The following GRM8 variants were observed in gnomAD, a reference collection of about 807,000 sequenced individuals.
The protein encoded by GRM8 is metabotropic glutamate receptor 8.
Under a neutral mutation model 87.2 loss-of-function variants are expected in GRM8, and 47 were observed. That is an observed-to-expected ratio of 0.54 (90% CI 0.43 to 0.69). GRM8 has a LOEUF of 0.69. Among genes scored for constraint, GRM8 ranks in the 30% least tolerant of loss-of-function variants. The pLI, the probability that GRM8 is intolerant of heterozygous loss-of-function variation, is 0.00. For missense variants in GRM8, 1,019 were observed against 1,139.2 expected, an observed-to-expected ratio of 0.89 and a Z score of 1.52; for synonymous variants, 396 against 404.5, an observed-to-expected ratio of 0.98 and a Z score of 0.25.
intron 3 of GRM8, among the ~76,000 whole-genome samples, chr7:126,941,738 C>T (rs1048668464): frequency 2.0e-5 from 3 of 151,992 alleles, no homozygotes; most frequent in African/African-American, 7.3e-5. Flanking sequence ...TCAAATGCAA[C>T]CGTGGTTGCA....
intron 3 of GRM8, among the ~76,000 whole-genome samples, chr7:127,044,420 A>G (rs1347384510): frequency 6.6e-6 from 1 of 152,148 alleles, no homozygotes; most frequent in African/African-American, 2.4e-5. Context: ...ACTTTTCCAC[A>G]TGGGACATGA....
At chr7:127,025,133 C>CT (rs1174159653) in intron 3 of GRM8, among the ~76,000 whole-genome samples, 1 of 152,040 alleles carries the variant, frequency 6.6e-6, no homozygotes, top group Non-Finnish European at 1.5e-5. Context: ...AGCAGTCCCA[C>CT]TTTGACATTT....
chr7:126,472,356 C>A (rs966624247), intron 9 of GRM8, among the ~76,000 whole-genome samples: 1 of 152,096 alleles, frequency 6.6e-6, no homozygotes, highest in East Asian at 1.9e-4. Context: ...TTTGAAATAC[C>A]TCCCATCAAT....
At chr7:126,693,202 T>C (rs931990863) in intron 7 of GRM8, among the ~76,000 whole-genome samples, 2 of 152,198 alleles carry the variant, frequency 1.3e-5, no homozygotes, top group African/African-American at 2.4e-5. Context: ...ACTAATTTGC[T>C]TGAGGTTAGT....
intron 6 of GRM8, among the ~76,000 whole-genome samples, chr7:126,850,849 G>A (rs557879549): frequency 1.3e-5 from 2 of 152,258 alleles, no homozygotes; most frequent in East Asian, 3.9e-4. Flanking sequence ...TGGGCAACAG[G>A]GGAACACCAG....
intron 6 of GRM8, among the ~76,000 whole-genome samples, chr7:126,788,420 A>AACAAAAAAAAAAACAAAAAAAAAAAAAC (rs1554492201): frequency 0.013 from 1,085 of 81,120 alleles, 107 homozygotes; most frequent in African/African-American, 0.048. Flanking sequence ...AAAAAAAAAA[A>AACAAAAAAAAAAACAAAAAAAAAAAAAC]AAACCCTTTC....
chr7:126,536,456 C>A (rs998127605), intron 8 of GRM8, among the ~76,000 whole-genome samples: 4 of 152,146 alleles, frequency 2.6e-5, no homozygotes, highest in Non-Finnish European at 4.4e-5. Context: ...CTTCATCTGT[C>A]ATATGTCATC....
intron 2 of GRM8, among the ~76,000 whole-genome samples, chr7:127,158,066 G>A (rs1237100787): frequency 6.6e-6 from 1 of 152,140 alleles, no homozygotes; most frequent in Non-Finnish European, 1.5e-5. Flanking sequence ...GGTGGAGGCT[G>A]AAAGTCAGAC....
At chr7:126,999,246 G>T (rs1006183224) in intron 3 of GRM8, among the ~76,000 whole-genome samples, 20 of 151,652 alleles carry the variant, frequency 1.3e-4, no homozygotes, top group African/African-American at 4.8e-4. Flanking sequence ...AAATCAAAAG[G>T]GATTAAAAAC....
At chr7:127,145,335 C>A (rs368449400) in intron 2 of GRM8, among the ~76,000 whole-genome samples, 1 of 152,078 alleles carries the variant, frequency 6.6e-6, no homozygotes, top group East Asian at 1.9e-4. Context: ...GAACCACATT[C>A]TCTTTATTAT....
At chr7:127,240,300 G>GGAAGGAAACTCCTATTTTTTGGT (rs1798213456) in intron 2 of GRM8, among the ~76,000 whole-genome samples, 1 of 151,902 alleles carries the variant, frequency 6.6e-6, no homozygotes, top group Non-Finnish European at 1.5e-5. Flanking sequence ...TCCTTCAATA[G>GGAAGGAAACTCCTATTTTTTGGT]CCCAAAAAAC....
At chr7:126,657,452 C>T (rs1461971528) in intron 7 of GRM8, among the ~76,000 whole-genome samples, 2 of 152,078 alleles carry the variant, frequency 1.3e-5, no homozygotes, top group African/African-American at 2.4e-5. Context: ...TTCCAATTTA[C>T]AAACAAGATA....
chr7:126,876,029 A>G (rs1311515643), intron 6 of GRM8, among the ~76,000 whole-genome samples: 3 of 151,886 alleles, frequency 2.0e-5, no homozygotes, highest in African/African-American at 4.8e-5. Context: ...TTTCTCTCAC[A>G]CTCCCTGTAT....
chr7:126,595,134 T>C (rs905642671), intron 8 of GRM8, among the ~76,000 whole-genome samples: 1 of 152,162 alleles, frequency 6.6e-6, no homozygotes, highest in African/African-American at 2.4e-5. Context: ...TACACAGCTT[T>C]GATGAAAATT....
chr7:127,113,168 C>T (rs1221496538), intron 2 of GRM8, among the ~76,000 whole-genome samples: 1 of 152,170 alleles, frequency 6.6e-6, no homozygotes, highest in Non-Finnish European at 1.5e-5. Context: ...TCAAGGTTTC[C>T]CACTGCTTGC....
At chr7:127,096,720 C>T (rs943636172) in intron 3 of GRM8, among the ~76,000 whole-genome samples, 2 of 152,114 alleles carry the variant, frequency 1.3e-5, no homozygotes, top group African/African-American at 2.4e-5. Context: ...GATCCCTTTG[C>T]TACAATATGA....
At chr7:127,230,832 T>C (rs1797644097) in intron 2 of GRM8, among the ~76,000 whole-genome samples, 1 of 152,122 alleles carries the variant, frequency 6.6e-6, no homozygotes, top group Non-Finnish European at 1.5e-5. Context: ...AAAAAAAGGC[T>C]ATTGTTTAAG....
chr7:127,099,384 T>C (rs745778738), intron 3 of GRM8, among the ~76,000 whole-genome samples: 2 of 152,198 alleles, frequency 1.3e-5, no homozygotes, highest in Non-Finnish European at 2.9e-5. Context: ...GTCTGTCATA[T>C]TCCAGGTGTC....
chr7:127,013,697 C>T (rs894018932), intron 3 of GRM8, among the ~76,000 whole-genome samples: 1 of 152,038 alleles, frequency 6.6e-6, no homozygotes, highest in Non-Finnish European at 1.5e-5. Context: ...TCTGGAAAGC[C>T]AGATAATAAT....
Sources: allele counts gnomAD v4.1 joint callset (sites outside exome capture counted in the v4.1 genomes callset), GRCh38; gene constraint gnomAD v4.1.1; transcripts MANE v1.5; gene names NCBI Gene and HGNC (gene_info 2026-07-23, HGNC 2026-07-21).